Variants in ZFHX3 observed in about 807,000 individuals in gnomAD.
The protein encoded by ZFHX3 is zinc finger homeobox protein 3.
A neutral mutation model predicts 279.1 loss-of-function variants in ZFHX3; 42 were observed. The ratio of observed to expected loss-of-function variants is 0.15; its 90% CI spans 0.12 to 0.19. The LOEUF is 0.19. Among genes scored for constraint, ZFHX3 ranks in the 10% least tolerant of loss-of-function variants. The pLI is 1.00. For synonymous variants in ZFHX3, 2,293 were observed against 1,957.8 expected (o/e 1.17, Z -4.52); for missense variants, 4,981 against 4,754.0 (o/e 1.05, Z -1.40).
intron 4 of ZFHX3, among the ~76,000 whole-genome samples, chr16:73,308,255 ATATATATATATATATATATATATT>A (rs1235746270): frequency 0.13 from 4,989 of 37,726 alleles, 212 homozygotes; most frequent in Non-Finnish European, 0.24. Flanking sequence ...ATATATATAT[ATATATATATATATATATATATATT>A]TATTTATTTA....
intron 3 of ZFHX3, among the ~76,000 whole-genome samples, chr16:72,910,878 A>G (rs1381232037): frequency 1.3e-5 from 2 of 152,192 alleles, no homozygotes; most frequent in African/African-American, 2.4e-5. Context: ...ATGGTGCAGG[A>G]GCCCTCCAGC....
intron 5 of ZFHX3, among the ~76,000 whole-genome samples, chr16:73,146,675 T>C (rs1966865000): frequency 1.3e-5 from 2 of 152,230 alleles, no homozygotes; most frequent in Middle Eastern, 3.4e-3. Context: ...TTATTATTAT[T>C]ATTTTTTGAG....
chr16:73,584,518 T>C (rs528790339), intron 2 of ZFHX3, among the ~76,000 whole-genome samples: 2 of 152,166 alleles, frequency 1.3e-5, no homozygotes, highest in South Asian at 2.1e-4. Context: ...CTTCAACAGA[T>C]AGTGGGGAAA....
chr16:72,937,588 C>A (rs1960190979), intron 3 of ZFHX3, among the ~76,000 whole-genome samples: 1 of 152,230 alleles, frequency 6.6e-6, no homozygotes, highest in Non-Finnish European at 1.5e-5. Context: ...GCCTTGGGTG[C>A]CAGCCCCCAT....
intron 7 of ZFHX3, among the ~76,000 whole-genome samples, chr16:73,106,536 C>G (rs1966307280): frequency 6.6e-6 from 1 of 152,086 alleles, no homozygotes; most frequent in African/African-American, 2.4e-5. Flanking sequence ...TTTATTGTGC[C>G]CTTGGGCCTG....
At chr16:73,780,059 T>G (rs1959404769) in intron 1 of ZFHX3, among the ~76,000 whole-genome samples, 1 of 146,606 alleles carries the variant, frequency 6.8e-6, no homozygotes, top group African/African-American at 2.5e-5. Flanking sequence ...CTGAGATAGC[T>G]TCTGCCACCA....
intron 3 of ZFHX3, among the ~76,000 whole-genome samples, chr16:73,441,609 A>G (rs2018094423): frequency 6.6e-6 from 1 of 152,158 alleles, no homozygotes. Flanking sequence ...GCATACCAAT[A>G]GGAAGTTCAC....
At chr16:73,128,947 C>G (rs889056025) in intron 7 of ZFHX3, among the ~76,000 whole-genome samples, 1 of 152,088 alleles carries the variant, frequency 6.6e-6, no homozygotes, top group Admixed American at 6.5e-5. Context: ...TCAATTGAAC[C>G]CCAAAGAGAT....
intron 2 of ZFHX3, among the ~76,000 whole-genome samples, chr16:73,484,378 T>G (rs2018935201): frequency 6.6e-6 from 1 of 152,190 alleles, no homozygotes; most frequent in Non-Finnish European, 1.5e-5. Context: ...CCAGTCATGA[T>G]GCATTAAGCC....
chr16:73,860,383 C>G (rs1597147604), intron 1 of ZFHX3, among the ~76,000 whole-genome samples: 1 of 150,046 alleles, frequency 6.7e-6, no homozygotes, highest in African/African-American at 2.5e-5. Flanking sequence ...TTTTTCATTC[C>G]CTTACTTTTT....
At chr16:73,070,924 GCGCGCGCGCGCGCGCACACA>G (rs1255793636) in intron 8 of ZFHX3, among the ~76,000 whole-genome samples, 75 of 31,908 alleles carry the variant, frequency 2.4e-3, no homozygotes, top group South Asian at 0.015. Context: ...TTGCGCGCGC[GCGCGCGCGCGCGCGCACACA>G]CACACACACA....
intron 2 of ZFHX3, among the ~76,000 whole-genome samples, chr16:73,549,123 A>T (rs1288673280): frequency 6.6e-6 from 1 of 152,200 alleles, no homozygotes; most frequent in Non-Finnish European, 1.5e-5. Context: ...TCAGATACAC[A>T]GTTTTGAAAA....
intron 4 of ZFHX3, among the ~76,000 whole-genome samples, chr16:73,312,632 C>A (rs1445420420): frequency 6.6e-6 from 1 of 152,138 alleles, no homozygotes; most frequent in Non-Finnish European, 1.5e-5. Context: ...GGCCATGGAC[C>A]AGGAATGGTG....
chr16:72,946,479 A>G (rs904345882), intron 3 of ZFHX3, among the ~76,000 whole-genome samples: 6 of 152,212 alleles, frequency 3.9e-5, no homozygotes, highest in African/African-American at 1.2e-4. Flanking sequence ...TTCCACTCCA[A>G]TGACTCTCAG....
intron 7 of ZFHX3, chr16:73,130,923 T>C: frequency 7.8e-7 from 1 of 1,288,994 alleles, no homozygotes; most frequent in Non-Finnish European, 1.0e-6. Context: ...AGTCTTATTT[T>C]AAAATGCAAA....
chr16:73,739,443 C>A (rs1307774232), intron 1 of ZFHX3, among the ~76,000 whole-genome samples: 1 of 152,124 alleles, frequency 6.6e-6, no homozygotes, highest in African/African-American at 2.4e-5. Flanking sequence ...CAACCCCCAC[C>A]CCAGTTATAA....
chr16:73,286,958 G>T (rs1325297729), intron 4 of ZFHX3, among the ~76,000 whole-genome samples: 1 of 151,044 alleles, frequency 6.6e-6, no homozygotes, highest in African/African-American at 2.4e-5. Flanking sequence ...GCCAGTGTGT[G>T]GCTGTGTGAG....
At chr16:73,536,979 A>G (rs996389380) in intron 2 of ZFHX3, among the ~76,000 whole-genome samples, 2 of 152,140 alleles carry the variant, frequency 1.3e-5, no homozygotes, top group Non-Finnish European at 1.5e-5. Flanking sequence ...GCAGCGGCCA[A>G]TCCTACCTTT....
intron 3 of ZFHX3, among the ~76,000 whole-genome samples, chr16:73,438,456 G>A (rs187429525): frequency 2.3e-4 from 35 of 152,324 alleles, no homozygotes; most frequent in African/African-American, 7.0e-4. Context: ...GAGAGAGCAT[G>A]TGAAGCAAGT....
Sources: gnomAD v4.1 joint callset for allele counts (sites outside exome capture counted in the v4.1 genomes callset) on GRCh38, gnomAD v4.1.1 for gene constraint, MANE v1.5 for transcripts, NCBI Gene and HGNC (gene_info 2026-07-23, HGNC 2026-07-21) for gene names.